NDUFA10: variants seen among roughly 807,000 people sequenced by gnomAD.
NDUFA10 encodes the protein NADH:ubiquinone oxidoreductase subunit A10, also known as NADH dehydrogenase [ubiquinone] 1 alpha subcomplex subunit 10, mitochondrial.
A neutral mutation model predicts 47.8 loss-of-function variants in NDUFA10; 40 were observed. The observed-to-expected ratio is 0.84, with a 90% CI of 0.65 to 1.09. NDUFA10 has a LOEUF of 1.09. Among genes scored for constraint, NDUFA10 ranks in the 50% least tolerant of loss-of-function variants. The pLI is 0.00. For missense variants in NDUFA10, 413 were observed against 451.1 expected (o/e 0.92, Z 0.76); for synonymous variants, 183 against 172.2 (o/e 1.06, Z -0.49).
chr2:240,007,519 A>C lies in NDUFA10; in HGVS notation c.750-149T>G, dbSNP rs569630162. 3.5e-4 allele frequency: 237 copies of C among 675,754 alleles called. 2 individuals are homozygous for C. The highest frequency in any genetic ancestry group is 4.7e-4 in the Non-Finnish European group (176 of 376,122). 41.9% of individuals were successfully genotyped at this position (675,754 alleles called of 1,614,324 possible). ...CATTGTGCTGGGCATGTGAGGGTGC[A>C]TTAGAGCTTGACTGGTTCAGGAGGA... On this transcript the variant is annotated intron_variant, in intron 6 of 9. Coordinates refer to ENST00000252711, the MANE Select transcript of NDUFA10 (RefSeq NM_004544.4).
intron 9 of NDUFA10, among the ~76,000 whole-genome samples, chr2:239,963,198 G>C (rs953443578): frequency 7.9e-5 from 12 of 152,350 alleles, no homozygotes; most frequent in Non-Finnish European, 1.6e-4. Context: ...AATCTGAAGA[G>C]AGACTGAGAT....
intron 9 of NDUFA10, among the ~76,000 whole-genome samples, chr2:239,968,309 C>G (rs1377465575): frequency 2.6e-5 from 4 of 152,236 alleles, no homozygotes; most frequent in Non-Finnish European, 5.9e-5. Flanking sequence ...ATGCGCAGAG[C>G]ACGGCCTCCG....
intron 4 of NDUFA10, among the ~76,000 whole-genome samples, chr2:239,916,713 C>A (rs1017208948): frequency 6.6e-6 from 1 of 152,262 alleles, no homozygotes; most frequent in Non-Finnish European, 1.5e-5. Context: ...CAGGACGGCA[C>A]CTTGTGCTGC....
At chr2:239,898,917 G>T (rs1170090461) in intron 4 of NDUFA10, among the ~76,000 whole-genome samples, 1 of 150,672 alleles carries the variant, frequency 6.6e-6, no homozygotes, top group Non-Finnish European at 1.5e-5. Context: ...AGTGATGGAA[G>T]GTTGTGATGG....
intron 4 of NDUFA10, among the ~76,000 whole-genome samples, chr2:239,904,718 T>C (rs1693615726): frequency 6.6e-6 from 1 of 152,328 alleles, no homozygotes; most frequent in Admixed American, 6.5e-5. Context: ...GGGGCCACCA[T>C]AACACCTGGC....
chr2:240,025,181 CGCCACCCT>C (rs1476132416), intron 1 of NDUFA10, 38 bp downstream of exon 1: 27 of 618,282 alleles, frequency 4.4e-5, no homozygotes, highest in African/African-American at 2.9e-4. Flanking sequence ...CCCGCCACCC[CGCCACCCT>C]GCCACCCCGC....
chr2:240,002,639 G>A (rs1428684518), intron 8 of NDUFA10, among the ~76,000 whole-genome samples: 1 of 152,120 alleles, frequency 6.6e-6, no homozygotes, highest in African/African-American at 2.4e-5. Flanking sequence ...GCTAAGGGCT[G>A]ACCTGACCCT....
At chr2:240,022,443 A>G in intron 1 of NDUFA10, 103 bp from the exon 2 acceptor site, 1 of 1,507,698 alleles carries the variant, frequency 6.6e-7, no homozygotes, top group Non-Finnish European at 9.0e-7. Flanking sequence ...TTAGTGATAA[A>G]AATGCCAACA....
chr2:239,927,507 C>A (rs950372511), intron 4 of NDUFA10, among the ~76,000 whole-genome samples: 1 of 152,166 alleles, frequency 6.6e-6, no homozygotes, highest in Non-Finnish European at 1.5e-5. Flanking sequence ...GCTGACTCAC[C>A]GACCTAACGG....
At chr2:240,005,368 A>C in intron 7 of NDUFA10, 73 bp from the exon 8 acceptor site, 1 of 1,251,476 alleles carries the variant, frequency 8.0e-7, no homozygotes, top group Non-Finnish European at 1.2e-6. Flanking sequence ...CTTTTTTTTG[A>C]GACAGGGTCC....
chr2:239,994,892 T>C (rs780233681), intron 8 of NDUFA10, among the ~76,000 whole-genome samples: 1 of 152,168 alleles, frequency 6.6e-6, no homozygotes, highest in African/African-American at 2.4e-5. Flanking sequence ...GAAGCTGTAA[T>C]TTCCATCCTT....
chr2:240,004,578 C>A (rs1470577002), intron 8 of NDUFA10, among the ~76,000 whole-genome samples: 1 of 151,492 alleles, frequency 6.6e-6, no homozygotes, highest in Non-Finnish European at 1.5e-5. Context: ...GCGGCCTCCC[C>A]TCCTAGTCCT....
intron 9 of NDUFA10, among the ~76,000 whole-genome samples, chr2:239,970,049 C>A (rs1695247826): frequency 6.6e-6 from 1 of 152,122 alleles, no homozygotes; most frequent in South Asian, 2.1e-4. Flanking sequence ...CTCAATAAAC[C>A]CCAGGCAGGA....
intron 7 of NDUFA10, 115 bp downstream of exon 7, chr2:240,007,201 A>G: frequency 1.2e-6 from 1 of 812,080 alleles, no homozygotes; most frequent in South Asian, 1.5e-5. Flanking sequence ...TTCAGGTGAT[A>G]AAACAGTGAT....
Position 239,916,765 on chromosome 2 carries a change from G to A in NDUFA10, c.295-21451C>T, listed in dbSNP as rs577685996. On this transcript the variant is annotated intron_variant, in intron 4 of 5. Transcript: ENST00000419408. ...GGTGAGGGACAGGTGCGGAACAGGCGCTGTGTGAGCCTCCTTCACGAGAGC... is the reference window on the plus strand; with the variant it reads ...GGTGAGGGACAGGTGCGGAACAGGCACTGTGTGAGCCTCCTTCACGAGAGC... Among the ~76,000 whole-genome samples, 7 of 152,340 alleles carry A rather than the reference G, an allele frequency of 4.6e-5. No individual in the cohort carries two copies. The East Asian group carries it at 5.8e-4, about 13-fold the overall frequency.
Position 239,958,915 on chromosome 2 carries a change from C to T in NDUFA10, c.*2203G>A, listed in dbSNP as rs1364233761. ...CCAACATGGAATCCTGGAAAATGCA[C>T]GATTATTTTGATCCTGGTTTGTTGG... On this transcript the variant is annotated 3_prime_UTR_variant, in exon 10 of 10. Transcript: ENST00000252711. 6 of 983,668 alleles carry T rather than the reference C, an allele frequency of 6.1e-6. No homozygotes were observed. The highest frequency in any genetic ancestry group is 1.7e-5 in the African/African-American group (1 of 57,188). The allele number at this position is 983,668 out of a possible 1,614,324, so 60.9% of individuals were successfully genotyped here.
intron 7 of NDUFA10, among the ~76,000 whole-genome samples, chr2:240,005,860 T>C (rs760331411): frequency 6.6e-6 from 1 of 152,080 alleles, no homozygotes; most frequent in Admixed American, 6.5e-5. Context: ...AAAGGACAGG[T>C]GAGAACAATG....
intron 5 of NDUFA10, chr2:240,014,291 G>C: frequency 3.6e-6 from 1 of 280,844 alleles, no homozygotes; most frequent in East Asian, 8.9e-5. Context: ...TCTAGAATTG[G>C]TAAGTAAGAA....
At chr2:239,969,634 C>T (rs561196569) in intron 9 of NDUFA10, 31 of 471,036 alleles carry the variant, frequency 6.6e-5, no homozygotes, top group Non-Finnish European at 1.3e-4. Flanking sequence ...TGTCTCTTGT[C>T]ACAGTCCCGC....
Sources: gnomAD v4.1 joint callset for allele counts (sites outside exome capture counted in the v4.1 genomes callset) on GRCh38, gnomAD v4.1.1 for gene constraint, MANE v1.5 for transcripts, NCBI Gene and HGNC (gene_info 2026-07-23, HGNC 2026-07-21) for gene names.